PPP1R9A: variants seen among roughly 807,000 people sequenced by gnomAD.
PPP1R9A encodes protein phosphatase 1 regulatory subunit 9A, also known as neurabin-1.
Under a neutral mutation model 141.9 loss-of-function variants are expected in PPP1R9A, and 59 were observed. The observed-to-expected ratio is 0.42, with a 90% CI of 0.34 to 0.52. The LOEUF is 0.52. Ranked by LOEUF, PPP1R9A falls within the 20% of genes least tolerant of loss-of-function variation. The pLI, the probability that PPP1R9A is intolerant of heterozygous loss-of-function variation, is 0.10. For synonymous variants in PPP1R9A, 500 were observed against 569.7 expected, an observed-to-expected ratio of 0.88 and a Z score of 1.74; for missense variants, 1,444 against 1,611.9, an observed-to-expected ratio of 0.90 and a Z score of 1.78.
chr7:94,981,828 AT>A (rs1262061746), intron 2 of PPP1R9A, among the ~76,000 whole-genome samples: 1 of 151,716 alleles, frequency 6.6e-6, no homozygotes, highest in African/African-American at 2.4e-5. Flanking sequence ...ATTTAATTTA[AT>A]TTTTTTTAAT....
At chr7:95,263,626 G>A (rs1272394300) in intron 12 of PPP1R9A, among the ~76,000 whole-genome samples, 3 of 152,084 alleles carry the variant, frequency 2.0e-5, no homozygotes, top group East Asian at 1.9e-4. Context: ...GTTTCACCAT[G>A]TTGTTGAACT....
chr7:95,193,944 T>C (rs1275770960), intron 5 of PPP1R9A, among the ~76,000 whole-genome samples: 2 of 152,072 alleles, frequency 1.3e-5, no homozygotes, highest in Non-Finnish European at 2.9e-5. Context: ...CATTCTTGAA[T>C]AAGTTTAAAG....
chr7:95,247,570 C>G (rs752567115), intron 9 of PPP1R9A, 44 bp downstream of exon 9: 1 of 1,463,548 alleles, frequency 6.8e-7, no homozygotes, highest in Non-Finnish European at 9.5e-7. Flanking sequence ...TTTTAAACTT[C>G]AGATACTATG....
chr7:95,189,591 T>C (rs1024261126), intron 5 of PPP1R9A, among the ~76,000 whole-genome samples: 6 of 150,796 alleles, frequency 4.0e-5, no homozygotes, highest in Admixed American at 4.0e-4. Context: ...CGCCCGCCAC[T>C]ACGCCCGGCT....
chr7:95,178,431 C>CCTT (rs1363936894), intron 5 of PPP1R9A, among the ~76,000 whole-genome samples: 1 of 151,832 alleles, frequency 6.6e-6, no homozygotes, highest in African/African-American at 2.4e-5. Flanking sequence ...ATCAAAAAGA[C>CCTT]TGAAAGAGCA....
intron 5 of PPP1R9A, among the ~76,000 whole-genome samples, chr7:95,167,757 A>G (rs1163235074): frequency 1.3e-5 from 2 of 152,144 alleles, no homozygotes; most frequent in Non-Finnish European, 2.9e-5. Flanking sequence ...CTATACAAAA[A>G]TAATGAACTA....
intron 4 of PPP1R9A, among the ~76,000 whole-genome samples, chr7:95,137,075 C>CT (rs930105514): frequency 1.1e-4 from 16 of 150,708 alleles, no homozygotes; most frequent in Non-Finnish European, 1.9e-4. Flanking sequence ...AGATGCAAGT[C>CT]TTTTTTTTTA....
At position 95,094,879 on chromosome 7, in the gene PPP1R9A, C is replaced by CAAAAAAAAAAAA. The variant is rs1166550834; in HGVS notation, c.1396-16365_1396-16354dup. On this transcript the variant is annotated intron_variant, in intron 2 of 19. Coordinates refer to ENST00000433360, the MANE Select transcript of PPP1R9A (RefSeq NM_001166160.2). ...TGGGCGACAGAGGGAGACTGCGTCT[C>CAAAAAAAAAAAA]AAAAAAAAAAAAAAAAAAAAAAAAA... 1.1e-3 allele frequency among the ~76,000 whole-genome samples: 48 copies of CAAAAAAAAAAAA among 44,990 alleles called. 1 individual carries two copies. The highest frequency in any genetic ancestry group is 1.4e-3 in the Non-Finnish European group (32 of 23,614). 29.5% of individuals were successfully genotyped at this position (44,990 alleles called of 152,430 possible).
chr7:95,225,917 C>G, intron 7 of PPP1R9A, 44 bp from the exon 8 acceptor site: 1 of 1,545,644 alleles, frequency 6.5e-7, no homozygotes, highest in Non-Finnish European at 8.8e-7. Flanking sequence ...TCACCTCCAC[C>G]TGGGGTAAGG....
intron 4 of PPP1R9A, among the ~76,000 whole-genome samples, chr7:95,128,488 ATT>A (rs1349377174): frequency 1.3e-5 from 2 of 151,934 alleles, no homozygotes; most frequent in African/African-American, 2.4e-5. Context: ...TTGATAATTT[ATT>A]TTGCTGTGCA....
At chr7:95,274,838 C>T (rs1802868489) in intron 16 of PPP1R9A, among the ~76,000 whole-genome samples, 1 of 152,146 alleles carries the variant, frequency 6.6e-6, no homozygotes, top group Non-Finnish European at 1.5e-5. Flanking sequence ...TCATGGCTCT[C>T]CTACTTATAA....
At position 95,187,352 on chromosome 7, in the gene PPP1R9A, G is replaced by C. The variant is rs1834800289; in HGVS notation, c.1755-10997G>C. On this transcript the variant is annotated intron_variant, in intron 5 of 19. Transcript: ENST00000433360. Reference sequence around the variant, plus strand: ...TGATCTTTTGTATTTCTGTGGTATTGGTTGCAGTATCTCCCATTTCATTTC... The same window carrying C: ...TGATCTTTTGTATTTCTGTGGTATTCGTTGCAGTATCTCCCATTTCATTTC... 2.0e-5 allele frequency among the ~76,000 whole-genome samples: 3 copies of C among 152,054 alleles called. No individual in the cohort carries two copies. The South Asian group carries it at 6.2e-4, about 32-fold the overall frequency.
At chr7:94,915,452 A>G (rs952174208) in intron 2 of PPP1R9A, among the ~76,000 whole-genome samples, 15 of 152,200 alleles carry the variant, frequency 9.9e-5, no homozygotes, top group Admixed American at 7.9e-4. Context: ...TAGCATCAAG[A>G]TTCTGATTCA....
rs1461581128 is a variant in PPP1R9A, at chr7:94,994,946, CA to C, written c.1395+83441del. 2.6e-5 allele frequency among the ~76,000 whole-genome samples: 4 copies of C among 151,674 alleles called. No homozygotes were observed. The East Asian group carries it at 7.7e-4, about 29-fold the overall frequency. ...CCCAAATTGCTTTTTCAAGGTAAGC[CA>C]AATTTGCATTTTTGGGATAAAACTC... On this transcript the variant is annotated intron_variant, in intron 2 of 19. Transcript: ENST00000433360.
intron 5 of PPP1R9A, among the ~76,000 whole-genome samples, chr7:95,191,999 CTAT>C (rs1450649424): frequency 6.6e-6 from 1 of 151,966 alleles, no homozygotes; most frequent in Admixed American, 6.6e-5. Context: ...TTATTGCTGA[CTAT>C]TGTTATATTT....
intron 8 of PPP1R9A, among the ~76,000 whole-genome samples, chr7:95,237,696 A>T (rs1443015322): frequency 6.6e-6 from 1 of 152,008 alleles, no homozygotes; most frequent in African/African-American, 2.4e-5. Context: ...TTAACTGCAT[A>T]TATGTTGAGG....
chr7:94,928,952 T>A (rs2150805251), intron 2 of PPP1R9A, among the ~76,000 whole-genome samples: 1 of 152,304 alleles, frequency 6.6e-6, no homozygotes, highest in South Asian at 2.1e-4. Context: ...CAATGAATTA[T>A]GCAGGAAAGA....
chr7:95,108,068 G>T (rs886660773), intron 2 of PPP1R9A, among the ~76,000 whole-genome samples: 7 of 151,928 alleles, frequency 4.6e-5, no homozygotes, highest in Non-Finnish European at 8.8e-5. Context: ...AGTTTTAAAA[G>T]TTACATCGCT....
chr7:95,016,463 A>G lies in PPP1R9A; in HGVS notation c.1396-94796A>G, dbSNP rs115661973. On this transcript the variant is annotated intron_variant, in intron 2 of 19. Transcript: ENST00000433360. ...TCATGAATGTAAATGCAAGAATCTT[A>G]ACAGAATATTAGTAAATCAAATGTA... 2.9e-3 allele frequency among the ~76,000 whole-genome samples: 442 copies of G among 152,278 alleles called. 3 individuals carry two copies. Among genetic ancestry groups the G allele is most frequent in the African/African-American group, 0.01 (420 of 41,592 alleles).
Sources: allele counts gnomAD v4.1 joint callset (sites outside exome capture counted in the v4.1 genomes callset), GRCh38; gene constraint gnomAD v4.1.1; transcripts MANE v1.5; gene names NCBI Gene and HGNC (gene_info 2026-07-23, HGNC 2026-07-21).